The following GPHN variants were observed in gnomAD, a reference collection of about 807,000 sequenced individuals.
GPHN encodes gephyrin.
Under a neutral mutation model 95.5 loss-of-function variants are expected in GPHN, and 17 were observed. The ratio of observed to expected loss-of-function variants is 0.18; its 90% CI spans 0.12 to 0.27. GPHN has a LOEUF of 0.27. GPHN is among the 10% of genes least tolerant of loss of function. The pLI, the probability that GPHN is intolerant of heterozygous loss-of-function variation, is 1.00. For missense variants in GPHN, 660 were observed against 978.1 expected, an observed-to-expected ratio of 0.67 and a Z score of 4.34; for synonymous variants, 320 against 322.5, an observed-to-expected ratio of 0.99 and a Z score of 0.08.
At chr14:66,830,787 C>A (rs2061552779) in intron 4 of GPHN, among the ~76,000 whole-genome samples, 1 of 151,872 alleles carries the variant, frequency 6.6e-6, no homozygotes, top group Non-Finnish European at 1.5e-5. Context: ...TGCTTTGGGG[C>A]AGATTAATAT....
At chr14:66,686,303 A>G (rs565697721) in intron 2 of GPHN, among the ~76,000 whole-genome samples, 67 of 152,178 alleles carry the variant, frequency 4.4e-4, no homozygotes, top group Admixed American at 1.4e-3. Flanking sequence ...GTAGCTTGAT[A>G]GGGATGGCAT....
intron 1 of GPHN, among the ~76,000 whole-genome samples, chr14:66,607,063 T>A (rs543160992): frequency 5.9e-5 from 9 of 152,282 alleles, no homozygotes; most frequent in Admixed American, 5.9e-4. Context: ...TTCAGTATGA[T>A]GTTGGCTGTG....
chr14:66,970,085 G>GTTTTTTTTT (rs76967963), intron 9 of GPHN, among the ~76,000 whole-genome samples: 3 of 99,022 alleles, frequency 3.0e-5, no homozygotes, highest in Non-Finnish European at 6.5e-5. Context: ...AGCAAGTTGT[G>GTTTTTTTTT]TTTTTTTTTT....
chr14:66,544,721 C>T (rs916607769), intron 1 of GPHN, among the ~76,000 whole-genome samples: 21 of 151,922 alleles, frequency 1.4e-4, no homozygotes, highest in Non-Finnish European at 2.8e-4. Flanking sequence ...TTTTCCTAGG[C>T]GGAGGACCCT....
chr14:66,876,385 G>A (rs1039898818), intron 4 of GPHN, among the ~76,000 whole-genome samples: 8 of 151,854 alleles, frequency 5.3e-5, no homozygotes, highest in Non-Finnish European at 1.2e-4. Context: ...CAGAAGACGA[G>A]AAATAACTAA....
the GPHN span, among the ~76,000 whole-genome samples, chr14:67,558,111 T>C: frequency 6.6e-6 from 1 of 152,332 alleles, no homozygotes; most frequent in East Asian, 1.9e-4. Context: ...TTCTGGAACA[T>C]CTACCTGCCA....
intron 1 of GPHN, among the ~76,000 whole-genome samples, chr14:66,588,578 T>C (rs1356177965): frequency 1.3e-5 from 2 of 151,964 alleles, no homozygotes; most frequent in African/African-American, 4.8e-5. Context: ...GCACAACAAC[T>C]TTGTGAAGCA....
chr14:67,175,717 A>T (rs910806125), intron 21 of GPHN, among the ~76,000 whole-genome samples: 1 of 152,138 alleles, frequency 6.6e-6, no homozygotes, highest in African/African-American at 2.4e-5. Context: ...TGAGCATGGA[A>T]TGTTCTTCCA....
chr14:66,970,547 TA>T (rs1267108333), intron 9 of GPHN, among the ~76,000 whole-genome samples: 1 of 152,224 alleles, frequency 6.6e-6, no homozygotes, highest in Non-Finnish European at 1.5e-5. Flanking sequence ...GGTCATTGGC[TA>T]AACCTGGGTT....
At chr14:67,269,351 G>A in the GPHN span, among the ~76,000 whole-genome samples, 1 of 152,066 alleles carries the variant, frequency 6.6e-6, no homozygotes, top group African/African-American at 2.4e-5. Context: ...GTGTGTGTGT[G>A]TAGATGTATG....
the GPHN span, among the ~76,000 whole-genome samples, chr14:67,551,227 C>T: frequency 6.6e-6 from 1 of 152,176 alleles, no homozygotes; most frequent in Non-Finnish European, 1.5e-5. Context: ...GCAGGACACT[C>T]TGGAGAGAAA....
chr14:67,724,427 G>T, the GPHN span: 1 of 1,169,012 alleles, frequency 8.6e-7, no homozygotes, highest in Non-Finnish European at 1.3e-6. Flanking sequence ...CTTAGTGTGA[G>T]CTCGTGAAGG....
chr14:67,518,656 C>A, the GPHN span, among the ~76,000 whole-genome samples: 3 of 152,186 alleles, frequency 2.0e-5, no homozygotes, highest in African/African-American at 7.2e-5. Flanking sequence ...ACTGTTCTGC[C>A]CTTCCCCCAA....
chr14:67,466,553 C>T, the GPHN span, among the ~76,000 whole-genome samples: 1 of 152,238 alleles, frequency 6.6e-6, no homozygotes, highest in African/African-American at 2.4e-5. Context: ...TTCTGGAACA[C>T]TCAGCCTGGC....
At chr14:67,330,349 T>C in the GPHN span, among the ~76,000 whole-genome samples, 2 of 151,990 alleles carry the variant, frequency 1.3e-5, no homozygotes, top group Non-Finnish European at 2.9e-5. Context: ...ATGTAGGCAT[T>C]TGAAATTATA....
At chr14:66,779,000 T>C (rs2059504926) in intron 3 of GPHN, among the ~76,000 whole-genome samples, 1 of 152,018 alleles carries the variant, frequency 6.6e-6, no homozygotes, top group African/African-American at 2.4e-5. Context: ...TGCCTCGGCC[T>C]CCCAAAGTGC....
At chr14:67,713,241 AAAAC>A in the GPHN span, among the ~76,000 whole-genome samples, 120 of 150,984 alleles carry the variant, frequency 7.9e-4, no homozygotes, top group Middle Eastern at 0.014. Context: ...AGAAGCAGGA[AAAAC>A]AAACAAACAA....
intron 8 of GPHN, among the ~76,000 whole-genome samples, chr14:66,929,836 T>C (rs997794605): frequency 6.6e-6 from 1 of 151,906 alleles, no homozygotes; most frequent in Admixed American, 6.6e-5. Flanking sequence ...CTCAGCCTCC[T>C]GAGTAGCTGG....
At chr14:67,550,048 T>A in the GPHN span, among the ~76,000 whole-genome samples, 41 of 151,920 alleles carry the variant, frequency 2.7e-4, no homozygotes, top group Non-Finnish European at 4.9e-4. Context: ...TGGGGTACAG[T>A]GGAGCCCACA....
Sources: gnomAD v4.1 joint callset for allele counts (sites outside exome capture counted in the v4.1 genomes callset) on GRCh38, gnomAD v4.1.1 for gene constraint, MANE v1.5 for transcripts, NCBI Gene and HGNC (gene_info 2026-07-23, HGNC 2026-07-21) for gene names.